Variants in AP1G1 observed in about 807,000 individuals in gnomAD.
AP1G1 encodes adaptor related protein complex 1 subunit gamma 1.
A neutral mutation model predicts 108.3 loss-of-function variants in AP1G1; 7 were observed. That is an observed-to-expected ratio of 0.06 (90% CI 0.04 to 0.12). The LOEUF is 0.12. Among genes scored for constraint, AP1G1 ranks in the 10% least tolerant of loss-of-function variants. The probability of loss-of-function intolerance (pLI) is 1.00; values close to 1 mark genes in which losing one functional copy is unlikely to be tolerated. For missense variants in AP1G1, 756 were observed against 1,010.7 expected, an observed-to-expected ratio of 0.75 and a Z score of 3.42; for synonymous variants, 379 against 353.5, an observed-to-expected ratio of 1.07 and a Z score of -0.81.
intron 2 of AP1G1, among the ~76,000 whole-genome samples, chr16:71,780,684 A>G (rs573534805): frequency 1.3e-5 from 2 of 152,220 alleles, no homozygotes; most frequent in South Asian, 4.1e-4. Flanking sequence ...AAGCTGAAGT[A>G]CAATGGCATG....
At chr16:71,786,749 G>A (rs1286579344) in intron 2 of AP1G1, among the ~76,000 whole-genome samples, 1 of 151,916 alleles carries the variant, frequency 6.6e-6, no homozygotes, top group Non-Finnish European at 1.5e-5. Flanking sequence ...GTGAGCCACC[G>A]CACCCAGCCC....
At chr16:71,770,826 T>C (rs1044547442) in intron 5 of AP1G1, among the ~76,000 whole-genome samples, 3 of 152,202 alleles carry the variant, frequency 2.0e-5, no homozygotes, top group African/African-American at 7.2e-5. Flanking sequence ...TATTGTAAAA[T>C]AGGCAAGAAA....
At chr16:71,747,850 G>C (rs1017815989) in intron 16 of AP1G1, among the ~76,000 whole-genome samples, 2 of 152,074 alleles carry the variant, frequency 1.3e-5, no homozygotes, top group African/African-American at 2.4e-5. Flanking sequence ...AGGCACGATG[G>C]TGTGCACTTA....
At position 71,745,625 on chromosome 16, in the gene AP1G1, C is replaced by A. The variant is rs1240245290; in HGVS notation, c.1731-11G>T. ...TCAAGTAGGGCAGACCTAGAAGAAT[C>A]TGAAGTGGTTAAATTCTAGGCAGTT... On this transcript the variant is annotated splice_polypyrimidine_tract_variant and intron_variant, in intron 17 of 22. Coordinates refer to ENST00000299980, the MANE Select transcript of AP1G1 (RefSeq NM_001128.6). The A allele has an allele frequency of 3.1e-6, 5 of 1,612,100 alleles. No homozygotes were observed. Among genetic ancestry groups the A allele is most frequent in the Non-Finnish European group, 4.2e-6 (5 of 1,178,186 alleles).
In AP1G1 at chr16:71,789,297, G is replaced by A. The variant is rs1164775526; in HGVS notation, c.183C>T (p.Tyr61=). The A allele has an allele frequency of 6.2e-7, 1 of 1,613,936 alleles. No individual in the cohort carries two copies. Among genetic ancestry groups the A allele is most frequent in the South Asian group, 1.1e-5 (1 of 91,066 alleles). ...AKLLYMHMLG[Y]PAHFGQLECL... ...AGCCTACCTGTCCAAAGTGAGCAGGGTAGCCCAGCATGTGCATATACAGTA... is the reference window on the plus strand; with the variant it reads ...AGCCTACCTGTCCAAAGTGAGCAGGATAGCCCAGCATGTGCATATACAGTA... Residue 61 remains tyrosine, a synonymous_variant, in exon 2 of 23, where the codon TAC becomes TAT. Transcript: ENST00000299980.
chr16:71,797,339 A>C lies in AP1G1; in HGVS notation c.-3-7857T>G, dbSNP rs374574344. On this transcript the variant is annotated intron_variant, in intron 1 of 22. Transcript: ENST00000299980. ...ATAGTCTGCTATCTTTCAAGTAATG[A>C]GCATGTAAAACTTGGAATAAAACTT... Among the ~76,000 whole-genome samples, 23 of 152,294 alleles carry C rather than the reference A, an allele frequency of 1.5e-4. No individual in the cohort carries two copies. The South Asian group carries it at 4.8e-3, about 32-fold the overall frequency.
chr16:71,796,190 G>A (rs1350503635), intron 1 of AP1G1, among the ~76,000 whole-genome samples: 1 of 152,166 alleles, frequency 6.6e-6, no homozygotes, highest in Non-Finnish European at 1.5e-5. Context: ...AGTGAGCTGA[G>A]ATCGAATCAC....
chr16:71,741,438 C>T (rs1410140195), intron 19 of AP1G1, among the ~76,000 whole-genome samples: 1 of 152,064 alleles, frequency 6.6e-6, no homozygotes, highest in Non-Finnish European at 1.5e-5. Flanking sequence ...CAAAAATTAG[C>T]CGGGTGTGGT....
rs1306238313 is a variant in AP1G1, at chr16:71,736,117, AATATATATATAT to A, written c.2269-1422_2269-1411del. On this transcript the variant is annotated intron_variant, in intron 21 of 22. Transcript: ENST00000299980. Reference sequence around the variant, plus strand: ...CCATCTCAAAAAAAAAAAAAAAAAAAATATATATATATATATATATATATATATATGGTCTTA... The same window carrying A: ...CCATCTCAAAAAAAAAAAAAAAAAAAATATATATATATATATATGGTCTTA... Among the ~76,000 whole-genome samples, 539 of 71,362 alleles carry A rather than the reference AATATATATATAT, an allele frequency of 7.6e-3. 11 individuals carry two copies. The highest frequency in any genetic ancestry group is 0.04 in the Middle Eastern group (5 of 126). 46.8% of individuals were successfully genotyped at this position (71,362 alleles called of 152,430 possible). A position where few individuals can be genotyped will look rare whatever the true frequency, so the allele number is the denominator to read the frequency against.
At chr16:71,760,635 C>A (rs1350069727) in intron 10 of AP1G1, among the ~76,000 whole-genome samples, 1 of 152,094 alleles carries the variant, frequency 6.6e-6, no homozygotes, top group Non-Finnish European at 1.5e-5. Flanking sequence ...GCTTTAACCT[C>A]CTGGGTTCAG....
Position 71,779,653 on chromosome 16 carries a change from T to C in AP1G1, c.202-5061A>G, listed in dbSNP as rs576060386. Among the ~76,000 whole-genome samples the C allele has an allele frequency of 1.4e-4, 21 of 152,294 alleles. No individual in the cohort carries two copies. In the South Asian group the frequency reaches 3.5e-3, roughly 26 times the overall value. On this transcript the variant is annotated intron_variant, in intron 2 of 22. Coordinates refer to ENST00000299980, the MANE Select transcript of AP1G1 (RefSeq NM_001128.6). ...TCACACCCCGCCAAATGGCTCTTAATGTTACAATTTTCTTTGAATTTCAAA... is the reference window on the plus strand; with the variant it reads ...TCACACCCCGCCAAATGGCTCTTAACGTTACAATTTTCTTTGAATTTCAAA...
At chr16:71,750,027 C>T in intron 14 of AP1G1, 44 bp from the exon 15 acceptor site, 1 of 1,558,812 alleles carries the variant, frequency 6.4e-7, no homozygotes, top group Middle Eastern at 1.7e-4. Context: ...TTCAATTTTT[C>T]CAAAGTTATT....
chr16:71,750,998 T>C (rs913716540), intron 13 of AP1G1, among the ~76,000 whole-genome samples: 72 of 150,952 alleles, frequency 4.8e-4, no homozygotes, highest in African/African-American at 1.7e-3. Context: ...CTACTAAAAA[T>C]ACAAAAAATT....
intron 4 of AP1G1, among the ~76,000 whole-genome samples, chr16:71,772,719 T>G (rs2031623918): frequency 6.6e-6 from 1 of 152,196 alleles, no homozygotes; most frequent in South Asian, 2.1e-4. Flanking sequence ...TTTCAAAGGT[T>G]GTAGGGTTCA....
rs55761928 is a variant in AP1G1, at chr16:71,794,835, C to CTTTTTTTTTTTTTTTTTTTTTTTTTT, written c.-3-5379_-3-5354dup. ...TACCATTCTCAGGCCATGAGAAGTG[C>CTTTTTTTTTTTTTTTTTTTTTTTTTT]TTTTTTTTTTTTTTTTTTTTTTTTT... On this transcript the variant is annotated intron_variant, in intron 1 of 22. Coordinates refer to ENST00000299980, the MANE Select transcript of AP1G1 (RefSeq NM_001128.6). 1.3e-4 allele frequency among the ~76,000 whole-genome samples: 5 copies of CTTTTTTTTTTTTTTTTTTTTTTTTTT among 39,632 alleles called. 1 individual carries two copies. Among genetic ancestry groups the CTTTTTTTTTTTTTTTTTTTTTTTTTT allele is most frequent in the Non-Finnish European group, 1.3e-4 (3 of 23,472 alleles). 26.0% of individuals were successfully genotyped at this position (39,632 alleles called of 152,430 possible).
At chr16:71,804,610 G>A (rs1272453975) in intron 1 of AP1G1, among the ~76,000 whole-genome samples, 2 of 151,294 alleles carry the variant, frequency 1.3e-5, no homozygotes, top group African/African-American at 4.9e-5. Flanking sequence ...ATTTCATCAT[G>A]TTGACCAGGC....
chr16:71,774,620 G>A (rs1165009806), intron 2 of AP1G1, 28 bp from the exon 3 acceptor site: 13 of 1,547,328 alleles, frequency 8.4e-6, no homozygotes, highest in Non-Finnish European at 1.1e-5. Context: ...AAAAAAGAAG[G>A]AAATTAAAAC....
rs773079301 is a variant in AP1G1, at chr16:71,739,152, CA to C, written c.2108-51del. On this transcript the variant is annotated intron_variant, in intron 20 of 22. Coordinates refer to ENST00000299980, the MANE Select transcript of AP1G1 (RefSeq NM_001128.6). ...CTTATTGTAGTCAGCCTAATGCTTG[CA>C]GAATTATTACTTCTTTTTCTTAATA... 6.1e-5 allele frequency: 99 copies of C among 1,610,630 alleles called. No homozygotes were observed. In the East Asian group the frequency reaches 2.2e-3, roughly 36 times the overall value.
chr16:71,772,294 A>AT (rs888855011), intron 4 of AP1G1, among the ~76,000 whole-genome samples: 2 of 151,568 alleles, frequency 1.3e-5, no homozygotes, highest in Non-Finnish European at 2.9e-5. Context: ...CGCCCGGCTA[A>AT]TTTTTTTTGT....
Sources: gnomAD v4.1 joint callset for allele counts (sites outside exome capture counted in the v4.1 genomes callset) on GRCh38, gnomAD v4.1.1 for gene constraint, MANE v1.5 for transcripts, NCBI Gene and HGNC (gene_info 2026-07-23, HGNC 2026-07-21) for gene names.